TRMT11: variants seen among roughly 807,000 people sequenced by gnomAD.
TRMT11 encodes tRNA methyltransferase 11.
TRMT11 carries 53 observed loss-of-function variants against 62.8 expected under a neutral mutation model. That is an observed-to-expected ratio of 0.84 (90% CI 0.68 to 1.06). TRMT11 has a LOEUF of 1.06. Ranked by LOEUF, TRMT11 falls within the 50% of genes least tolerant of loss-of-function variation. The probability of loss-of-function intolerance (pLI) is 0.00; values close to 1 mark genes in which losing one functional copy is unlikely to be tolerated. For synonymous variants in TRMT11, 188 were observed against 190.3 expected (o/e 0.99, Z 0.10); for missense variants, 556 against 553.4 (o/e 1.00, Z -0.05).
chr6:126,078,816 C>T (rs1224184221), intron 17 of TRMT11, among the ~76,000 whole-genome samples: 2 of 152,164 alleles, frequency 1.3e-5, no homozygotes, highest in Non-Finnish European at 2.9e-5. Context: ...ATGGCCACGT[C>T]ACACTTTTGT....
chr6:126,127,661 C>A (rs1458022388), intron 21 of TRMT11, among the ~76,000 whole-genome samples: 1 of 134,930 alleles, frequency 7.4e-6, no homozygotes, highest in Non-Finnish European at 1.6e-5. Context: ...CCCCTCCCCC[C>A]ACCCCACGAC....
chr6:126,242,831 C>G, the TRMT11 span, among the ~76,000 whole-genome samples: 1 of 152,144 alleles, frequency 6.6e-6, no homozygotes, highest in Non-Finnish European at 1.5e-5. Context: ...CATAAAAACC[C>G]TAGAAGAAAA....
the TRMT11 span, among the ~76,000 whole-genome samples, chr6:126,229,489 A>T: frequency 6.6e-6 from 1 of 152,192 alleles, no homozygotes; most frequent in Non-Finnish European, 1.5e-5. Flanking sequence ...CACATTGAAA[A>T]GGCTGGTAGA....
At chr6:125,986,739 C>G (rs765023659) in intron 1 of TRMT11, 117 bp downstream of exon 1, 4 of 992,670 alleles carry the variant, frequency 4.0e-6, no homozygotes, top group East Asian at 2.7e-5. Context: ...CTTCGCTGGT[C>G]TGCGCGGGTC....
At chr6:126,110,055 A>G (rs1777513021) in intron 17 of TRMT11, among the ~76,000 whole-genome samples, 1 of 152,160 alleles carries the variant, frequency 6.6e-6, no homozygotes, top group African/African-American at 2.4e-5. Flanking sequence ...CAGCTGGCGG[A>G]GAAGCAGGGC....
At chr6:126,009,393 G>A (rs963879858) in intron 8 of TRMT11, 1 of 151,886 alleles carries the variant, frequency 6.6e-6, no homozygotes, top group Admixed American at 6.6e-5. Context: ...TGATTGGATG[G>A]AATTGAATCA....
the TRMT11 span, among the ~76,000 whole-genome samples, chr6:126,240,977 C>T: frequency 2.0e-3 from 298 of 152,362 alleles, 2 homozygotes; most frequent in East Asian, 0.01. Context: ...CAGCAATGAG[C>T]GAGGCTCCGT....
chr6:126,163,806 G>T (rs1439197936), intron 21 of TRMT11, among the ~76,000 whole-genome samples: 2 of 152,138 alleles, frequency 1.3e-5, no homozygotes, highest in Non-Finnish European at 2.9e-5. Flanking sequence ...ATTTCTGTGG[G>T]ATCAGTGGTG....
chr6:126,231,894 A>G, the TRMT11 span, among the ~76,000 whole-genome samples: 4 of 152,196 alleles, frequency 2.6e-5, no homozygotes, highest in Admixed American at 1.3e-4. Context: ...GAGAAGATAA[A>G]AAGTATCTTT....
chr6:126,188,591 A>C (rs1456681195), intron 1 of TRMT11, among the ~76,000 whole-genome samples: 4 of 152,154 alleles, frequency 2.6e-5, no homozygotes, highest in Non-Finnish European at 4.4e-5. Flanking sequence ...TTTATGTGAT[A>C]AAATTGTTTC....
intron 21 of TRMT11, among the ~76,000 whole-genome samples, chr6:126,134,548 T>C (rs1455320311): frequency 6.6e-6 from 1 of 151,846 alleles, no homozygotes; most frequent in Non-Finnish European, 1.5e-5. Flanking sequence ...ACAATAGAAG[T>C]AGGATACTTC....
chr6:126,128,914 G>C (rs1000831274), intron 21 of TRMT11, among the ~76,000 whole-genome samples: 1 of 122,262 alleles, frequency 8.2e-6, no homozygotes, highest in African/African-American at 3.3e-5. Flanking sequence ...TTTGTTTTCT[G>C]ATTTTTTTTT....
chr6:126,171,512 G>A (rs1421665023), intron 21 of TRMT11, among the ~76,000 whole-genome samples: 1 of 151,984 alleles, frequency 6.6e-6, no homozygotes, highest in Non-Finnish European at 1.5e-5. Context: ...ATTATTTCAG[G>A]TTGTTGAACT....
the TRMT11 span, among the ~76,000 whole-genome samples, chr6:126,217,754 C>A: frequency 1.3e-5 from 2 of 152,058 alleles, no homozygotes; most frequent in Admixed American, 6.5e-5. Flanking sequence ...AGCCTGGCTA[C>A]CTCCTGTATT....
intron 17 of TRMT11, among the ~76,000 whole-genome samples, chr6:126,060,042 G>A (rs1776485801): frequency 6.6e-6 from 1 of 152,210 alleles, no homozygotes; most frequent in South Asian, 2.1e-4. Context: ...TGCAGACCAT[G>A]ATGTTGTCAC....
intron 11 of TRMT11, among the ~76,000 whole-genome samples, chr6:126,019,448 T>C (rs1795490859): frequency 6.6e-6 from 1 of 152,188 alleles, no homozygotes; most frequent in Non-Finnish European, 1.5e-5. Context: ...AATTTGCTTT[T>C]TGGGTTTTAT....
the TRMT11 span, among the ~76,000 whole-genome samples, chr6:126,247,349 A>C: frequency 2.0e-5 from 3 of 151,690 alleles, no homozygotes; most frequent in Non-Finnish European, 4.4e-5. Flanking sequence ...GCACGCACAC[A>C]CGCACACACA....
intron 17 of TRMT11, among the ~76,000 whole-genome samples, chr6:126,061,886 G>T (rs2128127369): frequency 6.6e-6 from 1 of 152,138 alleles, no homozygotes; most frequent in Middle Eastern, 3.4e-3. Context: ...CCTATATCCA[G>T]TCTTTTTCAG....
intron 12 of TRMT11, among the ~76,000 whole-genome samples, chr6:126,027,856 A>G (rs1486108814): frequency 6.6e-6 from 1 of 152,224 alleles, no homozygotes; most frequent in African/African-American, 2.4e-5. Context: ...TATGAAGTAC[A>G]AAAGAACCAT....
Sources: allele counts gnomAD v4.1 joint callset (sites outside exome capture counted in the v4.1 genomes callset), GRCh38; gene constraint gnomAD v4.1.1; transcripts MANE v1.5; gene names NCBI Gene and HGNC (gene_info 2026-07-23, HGNC 2026-07-21).